TMEM63B: variants seen among roughly 807,000 people sequenced by gnomAD.
The protein encoded by TMEM63B is transmembrane protein 63B.
In TMEM63B, 23 loss-of-function variants were observed where a neutral mutation model predicts 102.6. That is an observed-to-expected ratio of 0.22 (90% CI 0.16 to 0.32). The LOEUF (loss-of-function observed/expected upper bound fraction) is 0.32, where lower values mean the gene tolerates loss of function less well. Ranked by LOEUF, TMEM63B falls within the 10% of genes least tolerant of loss-of-function variation. The pLI, the probability that TMEM63B is intolerant of heterozygous loss-of-function variation, is 1.00. For synonymous variants in TMEM63B, 444 were observed against 437.0 expected (o/e 1.02, Z -0.20); for missense variants, 628 against 1,095.9 (o/e 0.57, Z 6.03).
chr6:44,130,298 G>C (rs922969272), intron 1 of TMEM63B, among the ~76,000 whole-genome samples: 5 of 152,198 alleles, frequency 3.3e-5, no homozygotes, highest in Non-Finnish European at 7.3e-5. Flanking sequence ...CTGTATCTCA[G>C]TGTCCTCCTG....
Position 44,140,365 on chromosome 6 carries a change from G to C in TMEM63B, c.711+5G>C, listed in dbSNP as rs1182509191. ...CGCTACAAGGAGGATGATCTGGTGC[G>C]TGGAGCAGAGCCCAGGTCCTGCCCC... On this transcript the variant is annotated splice_donor_5th_base_variant and intron_variant, in intron 9 of 23. Coordinates refer to ENST00000323267, the MANE Select transcript of TMEM63B (RefSeq NM_018426.3). The C allele has an allele frequency of 6.2e-7, 1 of 1,606,640 alleles. No individual in the cohort carries two copies. The highest frequency in any genetic ancestry group is 8.5e-7 in the Non-Finnish European group (1 of 1,173,650).
At position 44,155,081 on chromosome 6, in the gene TMEM63B, C is replaced by A; in HGVS notation, c.*198C>A. 1 of 496,194 alleles carries A rather than the reference C, an allele frequency of 2.0e-6. No individual in the cohort carries two copies. The allele number at this position is 496,194 out of a possible 1,614,324, so 30.7% of individuals were successfully genotyped here. On this transcript the variant is annotated 3_prime_UTR_variant, in exon 24 of 24. Coordinates refer to ENST00000323267, the MANE Select transcript of TMEM63B (RefSeq NM_018426.3). ...AGCCCCCCAACCTCAGTGAGGAGAG[C>A]CCCGAGCCGGCCCCGGGGCAAAGAG... is the stretch of plus-strand genomic sequence containing the variant.
rs1714414204 is a variant in TMEM63B, at chr6:44,148,204, C to T, written c.988-48C>T. ...AGCGTGGGCTGGATGCTGCAGGCCC[C>T]AGCCTGGCTTTCCAACTAGAGGCCC... On this transcript the variant is annotated intron_variant, in intron 12 of 23. Transcript: ENST00000323267. This position sits in a 1 kb window ranked among gnomAD's most constrained non-coding sequence, Gnocchi z 5.1. 1.2e-6 allele frequency: 2 copies of T among 1,609,596 alleles called. No individual in the cohort carries two copies. Among genetic ancestry groups the T allele is most frequent in the Admixed American group, 1.7e-5 (1 of 59,764 alleles).
At chr6:44,139,106 C>G (rs1343409859) in intron 6 of TMEM63B, among the ~76,000 whole-genome samples, 1 of 152,146 alleles carries the variant, frequency 6.6e-6, no homozygotes, top group Non-Finnish European at 1.5e-5. Context: ...GCCTTCCTCC[C>G]TCCTCAGATA....
chr6:44,133,738 G>A (rs779899944), intron 1 of TMEM63B, among the ~76,000 whole-genome samples: 40 of 152,322 alleles, frequency 2.6e-4, no homozygotes, highest in Non-Finnish European at 5.1e-4. Context: ...AGGCTAAGAG[G>A]CCCCCACCCA....
chr6:44,142,352 A>C (rs1323345925), intron 10 of TMEM63B, among the ~76,000 whole-genome samples: 1 of 151,140 alleles, frequency 6.6e-6, no homozygotes, highest in Non-Finnish European at 1.5e-5. Context: ...TCTACTGGTG[A>C]AACCTTGTCT....
rs775510733 is a variant in TMEM63B at position 44,155,348 on chromosome 6, G to C, written c.*465G>C. 5 of 152,498 alleles carry C rather than the reference G, an allele frequency of 3.3e-5. No individual in the cohort carries two copies. Among genetic ancestry groups the C allele is most frequent in the Non-Finnish European group, 5.9e-5 (4 of 68,286 alleles). The allele number at this position is 152,498 out of a possible 1,614,324, so 9.4% of individuals were successfully genotyped here. A position where few individuals can be genotyped will look rare whatever the true frequency, so the allele number is the denominator to read the frequency against. ...CCTCCAGCCCCTAGGGGATGCATGA[G>C]GGGGGAGGGGGTGCTGAGTGGGAGG... On this transcript the variant is annotated 3_prime_UTR_variant, in exon 24 of 24. Transcript: ENST00000323267.
At chr6:44,144,361 G>A (rs1409070821) in intron 10 of TMEM63B, among the ~76,000 whole-genome samples, 2 of 152,112 alleles carry the variant, frequency 1.3e-5, no homozygotes, top group African/African-American at 2.4e-5. Context: ...TGGATTTAGA[G>A]GATTAGAGAT....
In TMEM63B at chr6:44,150,435, C is replaced by A; in HGVS notation, c.1607+125C>A. 1 of 1,459,206 alleles carries A rather than the reference C, an allele frequency of 6.9e-7. No individual in the cohort carries two copies. Among genetic ancestry groups the A allele is most frequent in the African/African-American group, 1.4e-5 (1 of 71,676 alleles). 90.4% of individuals were successfully genotyped at this position (1,459,206 alleles called of 1,614,324 possible). A position where few individuals can be genotyped will look rare whatever the true frequency, so the allele number is the denominator to read the frequency against. On this transcript the variant is annotated intron_variant, in intron 17 of 23. Coordinates refer to ENST00000323267, the MANE Select transcript of TMEM63B (RefSeq NM_018426.3). The surrounding 1 kb of genome is among the most constrained non-coding windows in gnomAD (Gnocchi z 4.7). ...CCCAAGATGGGAAGCCTGGCCACCC[C>A]CAGGCCTCCTGAGCTACCCACCCCA...
At chr6:44,153,887 G>A in intron 21 of TMEM63B, 44 bp downstream of exon 21, 1 of 1,596,540 alleles carries the variant, frequency 6.3e-7, no homozygotes, top group East Asian at 2.2e-5. Flanking sequence ...CGAGCAGAGT[G>A]GATTCCAGCC....
intron 20 of TMEM63B, among the ~76,000 whole-genome samples, chr6:44,153,179 G>A (rs1767142514): frequency 6.6e-6 from 1 of 152,168 alleles, no homozygotes; most frequent in Admixed American, 6.5e-5. Context: ...CCTTTTTGAA[G>A]TTTAGCAAAG....
chr6:44,140,882 C>G, intron 9 of TMEM63B, 146 bp from the exon 10 acceptor site: 1 of 695,296 alleles, frequency 1.4e-6, no homozygotes, highest in African/African-American at 1.8e-5. Context: ...CTAAGGCCTC[C>G]TCCCACCCCA....
At chr6:44,142,363 C>G (rs1289555813) in intron 10 of TMEM63B, among the ~76,000 whole-genome samples, 3 of 150,320 alleles carry the variant, frequency 2.0e-5, no homozygotes, top group African/African-American at 7.3e-5. Context: ...AACCTTGTCT[C>G]TACTGAAAAT....
chr6:44,138,483 T>G lies in TMEM63B; in HGVS notation c.373T>G (p.Phe125Val). ...SVDFDQRDNG[F>V]CSWLTAIFRI... ...TGACAGCCCTCTGTTCCCCCAGGGT[T>G]TCTGTTCCTGGCTGACAGCCATCTT... The change falls in exon 6 of 24, where the codon TTC (phenylalanine) becomes GTC (valine). Residue 125 changes from phenylalanine to valine, a missense_variant. Physicochemically the swap from Phe to Val is conservative, Grantham distance 50 (BLOSUM62 -1). Transcript: ENST00000323267. 1 of 1,614,020 alleles carries G rather than the reference T, an allele frequency of 6.2e-7. No individual in the cohort carries two copies. The highest frequency in any genetic ancestry group is 8.5e-7 in the Non-Finnish European group (1 of 1,179,984).
chr6:44,153,927 T>TG lies in TMEM63B; in HGVS notation c.2110+89dup, dbSNP rs1230763036. On this transcript the variant is annotated intron_variant, in intron 21 of 23. Coordinates refer to ENST00000323267, the MANE Select transcript of TMEM63B (RefSeq NM_018426.3). ...CAGGCCACAGGAGAAGCCGCATGGC[T>TG]GGGGGTGGCAGGCAAGGGGCCTGGG... is the stretch of plus-strand genomic sequence containing the variant. 7.0e-6 allele frequency: 11 copies of TG among 1,575,084 alleles called. 1 individual carries two copies. The highest frequency in any genetic ancestry group is 9.5e-6 in the Non-Finnish European group (11 of 1,158,142).
At position 44,150,390 on chromosome 6, in the gene TMEM63B, C is replaced by G; in HGVS notation, c.1607+80C>G. ...GAGGAGAGCAGTTCAGCCTCCCTAC[C>G]TCCCCTACAAAGCAAGGGGCCCAAG... On this transcript the variant is annotated intron_variant, in intron 17 of 23. Coordinates refer to ENST00000323267, the MANE Select transcript of TMEM63B (RefSeq NM_018426.3). This position sits in a 1 kb window ranked among gnomAD's most constrained non-coding sequence, Gnocchi z 4.7. 2 of 1,503,692 alleles carry G rather than the reference C, an allele frequency of 1.3e-6. No individual in the cohort carries two copies. Among genetic ancestry groups the G allele is most frequent in the East Asian group, 2.3e-5 (1 of 44,286 alleles). The allele number at this position is 1,503,692 out of a possible 1,614,324, so 93.1% of individuals were successfully genotyped here. A position where few individuals can be genotyped will look rare whatever the true frequency, so the allele number is the denominator to read the frequency against.
At chr6:44,141,982 T>C in intron 10 of TMEM63B, among the ~76,000 whole-genome samples, 1 of 150,136 alleles carries the variant, frequency 6.7e-6, no homozygotes, top group South Asian at 2.1e-4. Context: ...CTTAGCCAGG[T>C]GTGGTGGCGT....
rs563014103 is a variant in TMEM63B, at chr6:44,128,995, C to T, written c.-25+1317C>T. 1.6e-4 allele frequency among the ~76,000 whole-genome samples: 25 copies of T among 152,352 alleles called. No homozygotes were observed. In the South Asian group the frequency reaches 5.0e-3, roughly 30 times the overall value. On this transcript the variant is annotated intron_variant, in intron 1 of 23. Transcript: ENST00000323267. ...TCATTCAAGTTCTCTCCAAGTATAG[C>T]AGAGTCTTAGAGACCTGCGTTCAAA...
intron 10 of TMEM63B, among the ~76,000 whole-genome samples, chr6:44,145,795 C>A (rs1175910249): frequency 7.0e-6 from 1 of 143,682 alleles, no homozygotes; most frequent in Non-Finnish European, 1.6e-5. Flanking sequence ...AACAAACAAA[C>A]AAAAAAATGA....
Sources: allele counts gnomAD v4.1 joint callset (sites outside exome capture counted in the v4.1 genomes callset), GRCh38; gene constraint gnomAD v4.1.1; non-coding constraint Gnocchi (gnomAD v3.1); transcripts MANE v1.5; gene names NCBI Gene and HGNC (gene_info 2026-07-23, HGNC 2026-07-21).